Variants in RDX observed in about 807,000 individuals in gnomAD.
RDX encodes radixin.
RDX carries 32 observed loss-of-function variants against 83.7 expected under a neutral mutation model. That is an observed-to-expected ratio of 0.38 (90% CI 0.29 to 0.51). The LOEUF is 0.51. Ranked by LOEUF, RDX falls within the 20% of genes least tolerant of loss-of-function variation. RDX has a pLI of 0.87. For missense variants in RDX, 600 were observed against 689.9 expected, an observed-to-expected ratio of 0.87 and a Z score of 1.46; for synonymous variants, 229 against 222.7, an observed-to-expected ratio of 1.03 and a Z score of -0.25.
chr11:110,252,391 T>C (rs917869623), intron 9 of RDX, among the ~76,000 whole-genome samples: 13 of 152,164 alleles, frequency 8.5e-5, no homozygotes, highest in African/African-American at 3.1e-4. Flanking sequence ...ATAAAGGATA[T>C]ATAGATAAAT....
intron 15 of RDX, among the ~76,000 whole-genome samples, chr11:110,190,826 A>G (rs1243979803): frequency 1.3e-5 from 2 of 152,360 alleles, no homozygotes; most frequent in Admixed American, 1.3e-4. Context: ...TGTGAGCACA[A>G]ACTAGAAAAT....
intron 1 of RDX, among the ~76,000 whole-genome samples, chr11:110,289,989 T>G (rs896345603): frequency 1.1e-3 from 75 of 70,292 alleles, no homozygotes; most frequent in Middle Eastern, 8.9e-3. Context: ...AAAACAAGGG[T>G]CCTTACGTTG....
At chr11:110,245,852 C>T (rs1162691964) in intron 10 of RDX, among the ~76,000 whole-genome samples, 2 of 152,152 alleles carry the variant, frequency 1.3e-5, no homozygotes, top group African/African-American at 4.8e-5. Context: ...AATCATTATA[C>T]CAACTCTTTT....
intron 14 of RDX, among the ~76,000 whole-genome samples, chr11:110,205,232 A>T (rs1010130166): frequency 1.3e-5 from 2 of 152,290 alleles, no homozygotes; most frequent in Non-Finnish European, 2.9e-5. Context: ...CCATGCACAA[A>T]AGTTATTTAT....
intron 15 of RDX, chr11:110,195,423 T>C (rs1331337882): frequency 6.6e-6 from 1 of 152,184 alleles, no homozygotes; most frequent in Non-Finnish European, 1.5e-5. Flanking sequence ...TGAACTCTCC[T>C]CAACCCTCTT....
Position 110,241,193 on chromosome 11 carries a change from C to T in RDX, c.1091-3541G>A, listed in dbSNP as rs138260439. Reference sequence around the variant, plus strand: ...TTTGGCTATAAAGACAAAATGTATACGGCACTGGATGTTACCATAGCGATA... The same window carrying T: ...TTTGGCTATAAAGACAAAATGTATATGGCACTGGATGTTACCATAGCGATA... On this transcript the variant is annotated intron_variant, in intron 10 of 13. Transcript: ENST00000645495. 4.9e-3 allele frequency among the ~76,000 whole-genome samples: 751 copies of T among 151,848 alleles called. 6 individuals carry two copies. Among genetic ancestry groups the T allele is most frequent in the African/African-American group, 0.017 (692 of 41,390 alleles).
At chr11:110,255,227 T>C (rs1343877524) in intron 8 of RDX, 62 bp downstream of exon 8, 2 of 861,716 alleles carry the variant, frequency 2.3e-6, no homozygotes, top group East Asian at 2.6e-5. Context: ...CTTCAAGTGA[T>C]ATCATGGGAA....
At chr11:110,295,060 C>A (rs1861390432) in intron 1 of RDX, among the ~76,000 whole-genome samples, 1 of 152,146 alleles carries the variant, frequency 6.6e-6, no homozygotes, top group Non-Finnish European at 1.5e-5. Context: ...CGATTAACTT[C>A]AAAAGGAGTG....
chr11:110,180,362 A>G (rs1164627372), intron 15 of RDX, among the ~76,000 whole-genome samples: 4 of 152,072 alleles, frequency 2.6e-5, no homozygotes, highest in Non-Finnish European at 5.9e-5. Context: ...CATTAGCTCC[A>G]GCTTTGGGCT....
intron 15 of RDX, among the ~76,000 whole-genome samples, chr11:110,178,731 G>T (rs1256171985): frequency 2.0e-5 from 3 of 152,210 alleles, no homozygotes; most frequent in African/African-American, 7.2e-5. Flanking sequence ...AGTAGTGAGG[G>T]CGCAGAGAGG....
chr11:110,216,896 T>C (rs1202200422), intron 14 of RDX, among the ~76,000 whole-genome samples: 2 of 152,320 alleles, frequency 1.3e-5, no homozygotes, highest in East Asian at 3.9e-4. Flanking sequence ...ATGTTTTTCC[T>C]CTAAAAGCCA....
intron 10 of RDX, among the ~76,000 whole-genome samples, chr11:110,242,970 A>G (rs1865159955): frequency 6.6e-6 from 1 of 152,194 alleles, no homozygotes; most frequent in African/African-American, 2.4e-5. Context: ...GCAGAGCTGA[A>G]TAGCTGGGAC....
chr11:110,176,204 C>A (rs1035310359), intron 15 of RDX, among the ~76,000 whole-genome samples: 1 of 151,726 alleles, frequency 6.6e-6, no homozygotes, highest in Non-Finnish European at 1.5e-5. Context: ...GCTGGGACCA[C>A]AGGTGCGCAC....
At position 110,233,425 on chromosome 11, in the gene RDX, T is replaced by C; in HGVS notation, c.1399A>G (p.Met467Val). 12 of 1,614,044 alleles carry C rather than the reference T, an allele frequency of 7.4e-6. No individual in the cohort carries two copies. Among genetic ancestry groups the C allele is most frequent in the Non-Finnish European group, 1.0e-5 (12 of 1,179,978 alleles). Residue 467 changes from methionine to valine, a missense_variant, in exon 13 of 14, where the codon ATG becomes GTG. Met to Val is a conservative substitution (Grantham distance 21). Transcript: ENST00000645495. ...GGTGGAGGTGGAGGGGGGGCAGACA[T>C]CACAGTTTTTAACTCTTCTTTGGTC... ...EKTKEELKTV[M>V]SAPPPPPPPP...
intron 15 of RDX, chr11:110,185,663 C>T (rs138490118): frequency 6.6e-6 from 1 of 152,388 alleles, no homozygotes; most frequent in African/African-American, 2.4e-5. Flanking sequence ...GGCCGTGAAG[C>T]TGTCAGACCA....
intron 3 of RDX, among the ~76,000 whole-genome samples, chr11:110,272,052 T>C (rs1373561887): frequency 6.6e-6 from 1 of 152,248 alleles, no homozygotes; most frequent in Non-Finnish European, 1.5e-5. Flanking sequence ...AAATGAATTT[T>C]GTGTTTAGAC....
At chr11:110,257,104 C>T (rs1347834493) in intron 7 of RDX, among the ~76,000 whole-genome samples, 2 of 150,524 alleles carry the variant, frequency 1.3e-5, no homozygotes, top group East Asian at 3.9e-4. Context: ...TATAATATAC[C>T]GTCTCTATAT....
intron 1 of RDX, among the ~76,000 whole-genome samples, chr11:110,291,293 T>C (rs968612950): frequency 1.3e-5 from 2 of 151,926 alleles, no homozygotes; most frequent in African/African-American, 2.4e-5. Context: ...GCTATGATCA[T>C]GCCACTGTAC....
intron 15 of RDX, among the ~76,000 whole-genome samples, chr11:110,181,610 G>T (rs750721126): frequency 6.6e-6 from 1 of 152,244 alleles, no homozygotes; most frequent in Non-Finnish European, 1.5e-5. Flanking sequence ...GGCCAAGAAT[G>T]GGGGCATGGC....
Sources: allele counts gnomAD v4.1 joint callset (sites outside exome capture counted in the v4.1 genomes callset), GRCh38; gene constraint gnomAD v4.1.1; transcripts MANE v1.5; gene names NCBI Gene and HGNC (gene_info 2026-07-23, HGNC 2026-07-21).